Variants in IGFN1 observed in about 807,000 individuals in gnomAD.
IGFN1 encodes immunoglobulin like and fibronectin type III domain containing 1, also known as immunoglobulin-like and fibronectin type III domain-containing protein 1.
In IGFN1, 253 loss-of-function variants were observed where a neutral mutation model predicts 289.5. That is an observed-to-expected ratio of 0.87 (90% confidence interval 0.79 to 0.97). The LOEUF is 0.97. IGFN1 is among the 50% of genes least tolerant of loss of function. The pLI, the probability that IGFN1 is intolerant of heterozygous loss-of-function variation, is 0.00. For missense variants in IGFN1, 4,470 were observed against 4,686.1 expected (o/e 0.95, Z 1.35); for synonymous variants, 1,706 against 1,788.5 (o/e 0.95, Z 1.16).
At chr1:201,217,081 G>A (rs1653358024) in intron 16 of IGFN1, among the ~76,000 whole-genome samples, 1 of 152,252 alleles carries the variant, frequency 6.6e-6, no homozygotes, top group African/African-American at 2.4e-5. Context: ...TAGGCTCCGA[G>A]GCTGCAGTGC....
In IGFN1 at chr1:201,203,182, A is replaced by C. The variant is rs186002081; in HGVS notation, c.748-556A>C. 3.7e-4 allele frequency among the ~76,000 whole-genome samples: 57 copies of C among 152,338 alleles called. 1 individual carries two copies. Among genetic ancestry groups the C allele is most frequent in the Non-Finnish European group, 3.2e-4 (22 of 68,028 alleles). On this transcript the variant is annotated intron_variant, in intron 9 of 23. Coordinates refer to ENST00000335211, the MANE Select transcript of IGFN1 (RefSeq NM_001164586.2). ...TTTTATGCATTGATGTGTCCTAAGT[A>C]CCTGAAACAGTGCCTGGCACACAGT...
rs1214124758 is a variant in IGFN1 at position 201,208,244 on chromosome 1, T to C, written c.3351T>C (p.Pro1117=). 1 of 1,536,114 alleles carries C rather than the reference T, an allele frequency of 6.5e-7. No individual in the cohort carries two copies. ...AEPESSGRIR[P]WGQTGNYGGF... ...CAGAGAGCTCTGGAAGAATAAGGCC[T>C]TGGGGTCAGACTGGAAATTATGGGG... Residue 1117 remains proline (P), a synonymous_variant, in exon 12 of 24, where the codon CCT becomes CCC. Transcript: ENST00000335211.
At chr1:201,199,683 T>C in intron 7 of IGFN1, 29 bp downstream of exon 7, 1 of 1,547,622 alleles carries the variant, frequency 6.5e-7, no homozygotes, top group Non-Finnish European at 8.7e-7. Context: ...ATGAGGGATT[T>C]TGGAGGCTCC....
At chr1:201,214,485 A>T (rs1007572432) in intron 13 of IGFN1, among the ~76,000 whole-genome samples, 184 bp downstream of exon 13, 6 of 152,198 alleles carry the variant, frequency 3.9e-5, no homozygotes, top group African/African-American at 1.4e-4. Flanking sequence ...GGATTTTTAA[A>T]TGATGTGTAT....
rs1667820498 is a variant in IGFN1, at chr1:201,211,761, T to G, written c.6868T>G (p.Leu2290Val). The G allele has an allele frequency of 6.5e-7, 1 of 1,536,806 alleles. No individual in the cohort carries two copies. ...GGATGAGGCAGGTTATAAGAATGTTTTAGGGGGTTCTGGGAGGAATCCATT... is the reference window on the plus strand; with the variant it reads ...GGATGAGGCAGGTTATAAGAATGTTGTAGGGGGTTCTGGGAGGAATCCATT... ...SGDEAGYKNV[L>V]GGSGRNPLGS... Residue 2290 changes from leucine (L) to valine (V), a missense_variant, in exon 12 of 24, where the codon TTA becomes GTA. Around this residue, in one of 8 missense-constraint regions of IGFN1, gnomAD observed 2,218 missense variants for 2,114.1 expected, o/e 1.05. Transcript: ENST00000335211.
chr1:201,222,370 A>C (rs1653788830), intron 19 of IGFN1: 1 of 175,650 alleles, frequency 5.7e-6, no homozygotes, highest in South Asian at 1.8e-4. Context: ...CTCTCTCCCG[A>C]ACAAGGTGTG....
rs898116947 is a variant in IGFN1, at chr1:201,212,586, A to G, written c.7693A>G (p.Arg2565Gly). 11 of 1,549,084 alleles carry G rather than the reference A, an allele frequency of 7.1e-6. No homozygotes were observed. The East Asian group carries it at 7.3e-5, about 10-fold the overall frequency. ...KAGPGMTDRG[R>G]VAGQGGLASQ... ...AGGCCCAGGAATGACAGACAGGGGT[A>G]GAGTTGCTGGCCAGGGGGGGTTGGC... Residue 2565 changes from arginine to glycine, a missense_variant, in exon 12 of 24, where the codon AGA becomes GGA. This residue lies in a region of IGFN1 where 2,218 missense variants were observed against 2,114.1 expected (regional missense o/e 1.05). Transcript: ENST00000335211.
chr1:201,203,759 G>C lies in IGFN1; in HGVS notation c.769G>C (p.Gly257Arg). 1.9e-6 allele frequency: 3 copies of C among 1,551,794 alleles called. No homozygotes were observed. Among genetic ancestry groups the C allele is most frequent in the Non-Finnish European group, 2.6e-6 (3 of 1,147,026 alleles). ...TTAGGATGGTGAGATGATCCCCTAT[G>C]GCTTCAACAACCAAACCAAGCACTG... is the stretch of plus-strand genomic sequence containing the variant. Reference protein sequence around the residue: ...LYKDGEMIPYGFNNQTKHCLR... With the variant: ...LYKDGEMIPYRFNNQTKHCLR... The change falls in exon 10 of 24, where the codon GGC (glycine) becomes CGC (arginine). Residue 257 changes from glycine (G) to arginine (R), a missense_variant. Gly to Arg is a moderately radical substitution (Grantham distance 125). This residue lies in a region of IGFN1 where 2,011 missense variants were observed against 1,953.4 expected (regional missense o/e 1.03). Transcript: ENST00000335211.
chr1:201,209,531 A>G lies in IGFN1; in HGVS notation c.4638A>G (p.Ala1546=). 6.5e-7 allele frequency: 1 copy of G among 1,533,194 alleles called. No individual in the cohort carries two copies. The highest frequency in any genetic ancestry group is 8.7e-7 in the Non-Finnish European group (1 of 1,144,468). The allele number at this position is 1,533,194 out of a possible 1,614,324, so 95.0% of individuals were successfully genotyped here. ...AGGCAATAGGTTCAGGGAGTAAGGC[A>G]GGTTTTACGGATGGTTTAGGAGGTT... ...ASEAIGSGSK[A]GFTDGLGGSE... is the part of the protein sequence containing the mutation. The change falls in exon 12 of 24, where the codon GCA becomes GCG. Residue 1546 remains alanine, a synonymous_variant. Coordinates refer to ENST00000335211, the MANE Select transcript of IGFN1 (RefSeq NM_001164586.2).
In IGFN1 at chr1:201,193,283, G is replaced by A. The variant is rs12089471; in HGVS notation, c.-11G>A. The A allele has an allele frequency of 0.31, 477,828 of 1,530,394 alleles. 81,303 individuals are homozygous for A. Among genetic ancestry groups the A allele is most frequent in the Non-Finnish European group, 0.35 (397,414 of 1,127,602 alleles). The allele number at this position is 1,530,394 out of a possible 1,614,324, so 94.8% of individuals were successfully genotyped here. A position where few individuals can be genotyped will look rare whatever the true frequency, so the allele number is the denominator to read the frequency against. On this transcript the variant is annotated 5_prime_UTR_variant, in exon 2 of 24. Transcript: ENST00000335211. The stretch of plus-strand genomic sequence containing the variant: ...TTCTACCCTCAGAGGAGTCAAAGAG[G>A]AGGCAGAACTATGGCAGGTAAGAGA...
rs1254479450 is a variant in IGFN1, at chr1:201,207,936, G to A, written c.3043G>A (p.Ala1015Thr). The change falls in exon 12 of 24, where the codon GCG (alanine) becomes ACG (threonine). Residue 1015 changes from alanine (A) to threonine (T), a missense_variant. Physicochemically the swap from Ala to Thr is moderately conservative, Grantham distance 58. Around this residue, in one of 8 missense-constraint regions of IGFN1, gnomAD observed 2,011 missense variants for 1,953.4 expected, o/e 1.03. Transcript: ENST00000335211. ...EGGGYRHGSG[A>T]PGGVWSGNED... ...GGGTGGGTACAGGCATGGCTCCGGAGCGCCTGGGGGAGTGTGGTCTGGAAA... is the reference window on the plus strand; with the variant it reads ...GGGTGGGTACAGGCATGGCTCCGGAACGCCTGGGGGAGTGTGGTCTGGAAA... 2 of 1,536,748 alleles carry A rather than the reference G, an allele frequency of 1.3e-6. No homozygotes were observed. The highest frequency in any genetic ancestry group is 1.4e-5 in the African/African-American group (1 of 72,956).
chr1:201,222,499 G>A (rs1653795804), intron 19 of IGFN1: 2 of 436,020 alleles, frequency 4.6e-6, no homozygotes, highest in South Asian at 9.8e-5. Flanking sequence ...TCTCCCTGCA[G>A]GGTTCCTTTC....
Position 201,221,425 on chromosome 1 carries a change from C to T in IGFN1, c.9899-19C>T. The stretch of plus-strand genomic sequence containing the variant: ...CCCTCAGGAGATGCCATTCCTGACT[C>T]TCCCATGGTGCCTGGCAGGACCCCC... On this transcript the variant is annotated intron_variant, in intron 18 of 23. Coordinates refer to ENST00000335211, the MANE Select transcript of IGFN1 (RefSeq NM_001164586.2). 2 of 1,534,870 alleles carry T rather than the reference C, an allele frequency of 1.3e-6. No homozygotes were observed. The highest frequency in any genetic ancestry group is 1.8e-6 in the Non-Finnish European group (2 of 1,136,418).
In IGFN1 at chr1:201,207,570, G is replaced by C; in HGVS notation, c.2677G>C (p.Ala893Pro). The C allele has an allele frequency of 6.5e-7, 1 of 1,537,002 alleles. No individual in the cohort carries two copies. Among genetic ancestry groups the C allele is most frequent in the Non-Finnish European group, 8.7e-7 (1 of 1,146,874 alleles). Reference sequence around the variant, plus strand: ...TGCCAGAAGCCACTGGCTAAGTAGGGCTCCAGGCCTGGGTGCTCAGGGATC... The same window carrying C: ...TGCCAGAAGCCACTGGCTAAGTAGGCCTCCAGGCCTGGGTGCTCAGGGATC... ...VDARSHWLSR[A>P]PGLGAQGSGG... The change falls in exon 12 of 24, where the codon GCT (alanine) becomes CCT (proline). Residue 893 changes from alanine to proline, a missense_variant. Coordinates refer to ENST00000335211, the MANE Select transcript of IGFN1 (RefSeq NM_001164586.2).
Position 201,207,890 on chromosome 1 carries a change from G to A in IGFN1, c.2997G>A (p.Ala999=), listed in dbSNP as rs900902101. 1.4e-5 allele frequency: 21 copies of A among 1,536,498 alleles called. No homozygotes were observed. The highest frequency in any genetic ancestry group is 1.2e-4 in the African/African-American group (9 of 73,022). Residue 999 remains alanine (A), a synonymous_variant, in exon 12 of 24, where the codon GCG becomes GCA. Transcript: ENST00000335211. ...AGCRVSPRAP[A]GVESEEGGGY... ...GTAGAGTTTCCCCTAGGGCACCTGCGGGAGTGGAGTCTGAGGAAGGGGGTG... is the reference window on the plus strand; with the variant it reads ...GTAGAGTTTCCCCTAGGGCACCTGCAGGAGTGGAGTCTGAGGAAGGGGGTG...
At position 201,214,226 on chromosome 1, in the gene IGFN1, G is replaced by A. The variant is rs747148425; in HGVS notation, c.8778G>A (p.Pro2926=). The change falls in exon 13 of 24, where the codon CCG becomes CCA. Residue 2926 remains proline (P), a synonymous_variant. Transcript: ENST00000335211. ...GCCTGGCTGACATGGAAGTGCAGCCGGGGGAGGCCGCCACACTCTCCTGTA... is the reference window on the plus strand; with the variant it reads ...GCCTGGCTGACATGGAAGTGCAGCCAGGGGAGGCCGCCACACTCTCCTGTA... ...SQGLADMEVQ[P]GEAATLSCTL... The A allele has an allele frequency of 2.5e-5, 40 of 1,612,752 alleles. No homozygotes were observed. In the South Asian group the frequency reaches 3.3e-4, roughly 13 times the overall value.
At chr1:201,213,975 G>A (rs2102352024) in intron 12 of IGFN1, among the ~76,000 whole-genome samples, 1 of 152,344 alleles carries the variant, frequency 6.6e-6, no homozygotes, top group African/African-American at 2.4e-5. Flanking sequence ...GACCAGCCTA[G>A]GTCCTGCTGA....
rs1667580338 is a variant in IGFN1, at chr1:201,209,101, G to C, written c.4208G>C (p.Gly1403Ala). Residue 1403 changes from glycine (G) to alanine (A), a missense_variant, in exon 12 of 24, where the codon GGG (glycine) becomes GCG (alanine). Physicochemically the swap from Gly to Ala is moderately conservative, Grantham distance 60 (BLOSUM62 0). Around this residue, in one of 8 missense-constraint regions of IGFN1, gnomAD observed 2,011 missense variants for 1,953.4 expected, o/e 1.03. Transcript: ENST00000335211. ...RAGLRGPGEMGSLDESGHRNG... is the reference protein window; with the variant it reads ...RAGLRGPGEMASLDESGHRNG... ...GGTTTAAGGGGTCCTGGGGAGATGG[G>C]GTCACTGGATGAGTCAGGTCATAGG... 3 of 1,535,200 alleles carry C rather than the reference G, an allele frequency of 2.0e-6. No individual in the cohort carries two copies. The highest frequency in any genetic ancestry group is 2.6e-6 in the Non-Finnish European group (3 of 1,146,388).
chr1:201,227,065 AC>A lies in IGFN1; in HGVS notation c.10974del (p.Ala3659ArgfsTer46), dbSNP rs750030297. ...AAGAATGACCGCAGCCTGGAAGGAA[AC>A]CCCGCGGTGTACAGCACTGACCTGC... ...WFKNDRSLEG[N>X]PAVYSTDLLG... On this transcript the variant is annotated frameshift_variant, in exon 23 of 24. Transcript: ENST00000335211. LOFTEE classifies it high-confidence loss of function. 6.2e-7 allele frequency: 1 copy of A among 1,613,570 alleles called. No individual in the cohort carries two copies. Among genetic ancestry groups the A allele is most frequent in the East Asian group, 2.2e-5 (1 of 44,884 alleles).
Sources: gnomAD v4.1 joint callset for allele counts (sites outside exome capture counted in the v4.1 genomes callset) on GRCh38, gnomAD v4.1.1 for gene constraint, gnomAD v4.1.1 regional missense constraint, MANE v1.5 for transcripts, NCBI Gene and HGNC (gene_info 2026-07-23, HGNC 2026-07-21) for gene names.